The following TCF4 variants were observed in gnomAD, a reference collection of about 807,000 sequenced individuals.
The protein encoded by TCF4 is transcription factor 4.
A neutral mutation model predicts 82.1 loss-of-function variants in TCF4; 3 were observed. The observed-to-expected ratio is 0.04, with a 90% confidence interval of 0.02 to 0.09. The LOEUF (loss-of-function observed/expected upper bound fraction) is 0.09, where lower values mean the gene tolerates loss of function less well. Ranked by LOEUF, TCF4 falls within the 10% of genes least tolerant of loss-of-function variation. The pLI, the probability that TCF4 is intolerant of heterozygous loss-of-function variation, is 1.00. For synonymous variants in TCF4, 276 were observed against 309.6 expected, an observed-to-expected ratio of 0.89 and a Z score of 1.14; for missense variants, 518 against 852.7, an observed-to-expected ratio of 0.61 and a Z score of 4.89.
intron 6 of TCF4, among the ~76,000 whole-genome samples, chr18:55,394,949 A>C (rs1312062041): frequency 6.6e-6 from 1 of 152,180 alleles, no homozygotes; most frequent in Non-Finnish European, 1.5e-5. Flanking sequence ...TTCTTTTCTA[A>C]AGTCTTTTTT....
chr18:55,317,611 C>T (rs538593371), intron 8 of TCF4, among the ~76,000 whole-genome samples: 1 of 152,088 alleles, frequency 6.6e-6, no homozygotes, highest in Admixed American at 6.5e-5. Flanking sequence ...ATCTTTTTAT[C>T]TTAGCACTTC....
At chr18:55,524,261 C>T (rs1367325741) in intron 3 of TCF4, among the ~76,000 whole-genome samples, 3 of 151,928 alleles carry the variant, frequency 2.0e-5, no homozygotes, top group Non-Finnish European at 4.4e-5. Context: ...TATATTGTTA[C>T]TATATGGTAT....
intron 5 of TCF4, among the ~76,000 whole-genome samples, chr18:55,431,117 C>A (rs968941803): frequency 6.6e-6 from 1 of 152,128 alleles, no homozygotes; most frequent in African/African-American, 2.4e-5. Flanking sequence ...AGAATAAAAA[C>A]GAAGCACATT....
At chr18:55,567,967 C>T (rs531950128) in intron 3 of TCF4, among the ~76,000 whole-genome samples, 1 of 151,626 alleles carries the variant, frequency 6.6e-6, no homozygotes, top group South Asian at 2.1e-4. Context: ...ATTTTGAAGG[C>T]ACCAAAAAAT....
intron 6 of TCF4, among the ~76,000 whole-genome samples, chr18:55,366,887 A>G (rs544835931): frequency 6.6e-6 from 1 of 152,322 alleles, no homozygotes; most frequent in African/African-American, 2.4e-5. Flanking sequence ...CCATATTTCC[A>G]TATACATATA....
At chr18:55,387,064 G>A (rs898764888) in intron 6 of TCF4, among the ~76,000 whole-genome samples, 5 of 152,240 alleles carry the variant, frequency 3.3e-5, no homozygotes, top group African/African-American at 1.2e-4. Flanking sequence ...CTGGGCTATA[G>A]AGTATTAGGA....
intron 3 of TCF4, among the ~76,000 whole-genome samples, chr18:55,581,637 G>A (rs2097575815): frequency 6.6e-6 from 1 of 151,926 alleles, no homozygotes; most frequent in African/African-American, 2.4e-5. Context: ...AACTAATTCA[G>A]GATGTGACCA....
At chr18:55,572,389 T>C (rs775140949) in intron 3 of TCF4, among the ~76,000 whole-genome samples, 9 of 152,092 alleles carry the variant, frequency 5.9e-5, no homozygotes, top group Non-Finnish European at 1.0e-4. Flanking sequence ...TGACTTCCAA[T>C]AGTAAACAAT....
chr18:55,452,486 C>T (rs981362398), intron 5 of TCF4: 3 of 152,306 alleles, frequency 2.0e-5, no homozygotes, highest in Non-Finnish European at 2.9e-5. Flanking sequence ...AGCAGCATGT[C>T]CCAGGGACGT....
chr18:55,304,786 T>C (rs551809441), intron 8 of TCF4, among the ~76,000 whole-genome samples: 1 of 152,156 alleles, frequency 6.6e-6, no homozygotes, highest in African/African-American at 2.4e-5. Flanking sequence ...GAACTAGATA[T>C]GGGAAGGATC....
chr18:55,280,216 T>A (rs1019374662), intron 8 of TCF4, among the ~76,000 whole-genome samples: 11 of 152,124 alleles, frequency 7.2e-5, no homozygotes, highest in African/African-American at 2.4e-4. Flanking sequence ...CAGAGATGCA[T>A]GAAAAAGGCC....
At chr18:55,442,949 C>T (rs2095466039) in intron 5 of TCF4, among the ~76,000 whole-genome samples, 1 of 152,176 alleles carries the variant, frequency 6.6e-6, no homozygotes, top group African/African-American at 2.4e-5. Context: ...GATGGACTAG[C>T]TTTTTAAATA....
At chr18:55,611,768 A>T (rs568299657) in intron 2 of TCF4, among the ~76,000 whole-genome samples, 12 of 151,982 alleles carry the variant, frequency 7.9e-5, no homozygotes, top group African/African-American at 2.2e-4. Flanking sequence ...AAATATTTTT[A>T]TTTATTTATT....
intron 8 of TCF4, among the ~76,000 whole-genome samples, chr18:55,349,406 G>A (rs752464981): frequency 1.3e-5 from 2 of 152,012 alleles, no homozygotes; most frequent in Admixed American, 6.6e-5. Flanking sequence ...AAACTAATAT[G>A]CAAGCATTGA....
At chr18:55,401,446 T>C in intron 6 of TCF4, 2 of 1,053,304 alleles carry the variant, frequency 1.9e-6, no homozygotes, top group South Asian at 3.2e-5. Context: ...GCATATGCAG[T>C]CATAGTGCTA....
chr18:55,254,770 T>G (rs1307078393), intron 14 of TCF4, 70 bp from the exon 15 acceptor site: 8 of 1,400,944 alleles, frequency 5.7e-6, no homozygotes, highest in Non-Finnish European at 7.9e-6. Context: ...CAAGTAAAAT[T>G]TTAGTCGACA....
At chr18:55,599,755 TAAA>T (rs2097694848) in intron 2 of TCF4, among the ~76,000 whole-genome samples, 2 of 152,156 alleles carry the variant, frequency 1.3e-5, no homozygotes, top group South Asian at 4.1e-4. Flanking sequence ...ATATGTATGA[TAAA>T]AAGTGAAAAA....
upstream of TCF4, among the ~76,000 whole-genome samples, chr18:55,590,318 A>AGAGGGATGTGGGTCCTCT (rs2097682747): frequency 6.6e-6 from 1 of 152,196 alleles, no homozygotes. Context: ...CTAGGCTGGA[A>AGAGGGATGTGGGTCCTCT]GAGGGATGTG....
chr18:55,619,291 C>T (rs1332603663), intron 2 of TCF4, among the ~76,000 whole-genome samples: 1 of 152,116 alleles, frequency 6.6e-6, no homozygotes, highest in Non-Finnish European at 1.5e-5. Flanking sequence ...GAAATCCTAA[C>T]CCATTTCCTC....
Sources: gnomAD v4.1 joint callset for allele counts (sites outside exome capture counted in the v4.1 genomes callset) on GRCh38, gnomAD v4.1.1 for gene constraint, MANE v1.5 for transcripts, NCBI Gene and HGNC (gene_info 2026-07-23, HGNC 2026-07-21) for gene names.